LRMDA: variants seen among roughly 807,000 people sequenced by gnomAD.
LRMDA encodes the protein leucine rich melanocyte differentiation associated.
LRMDA carries 18 observed loss-of-function variants against 29.8 expected under a neutral mutation model. That is an observed-to-expected ratio of 0.60 (90% CI 0.42 to 0.90). The LOEUF (loss-of-function observed/expected upper bound fraction) is 0.90, where lower values mean the gene tolerates loss of function less well. Among genes scored for constraint, LRMDA ranks in the 40% least tolerant of loss-of-function variants. The pLI is 0.00. For missense variants in LRMDA, 273 were observed against 273.9 expected (o/e 1.00, Z 0.02); for synonymous variants, 125 against 109.4 (o/e 1.14, Z -0.89).
At chr10:75,862,694 C>T (rs1023740433) in intron 2 of LRMDA, among the ~76,000 whole-genome samples, 9 of 152,292 alleles carry the variant, frequency 5.9e-5, no homozygotes, top group African/African-American at 2.2e-4. Context: ...AACTAAACCT[C>T]CTAGGGTTTG....
chr10:75,527,230 T>A (rs748060498), intron 2 of LRMDA, among the ~76,000 whole-genome samples: 9 of 152,242 alleles, frequency 5.9e-5, no homozygotes, highest in Non-Finnish European at 1.3e-4. Context: ...TGTGACTGAG[T>A]AATATTCCAC....
In LRMDA at chr10:75,434,935, C is replaced by T. The variant is rs563086369; in HGVS notation, c.30+3181C>T. 1.2e-4 allele frequency among the ~76,000 whole-genome samples: 18 copies of T among 152,324 alleles called. No individual in the cohort carries two copies. The East Asian group carries it at 3.3e-3, about 28-fold the overall frequency. On this transcript the variant is annotated intron_variant, in intron 1 of 6. Coordinates refer to ENST00000611255, the MANE Select transcript of LRMDA (RefSeq NM_001305581.2). ...GCAGTTTGGTTATTTTCTGCAGCTTCGGCTTGGAGGGATTGGGTGTGTACA... is the reference window on the plus strand; with the variant it reads ...GCAGTTTGGTTATTTTCTGCAGCTTTGGCTTGGAGGGATTGGGTGTGTACA...
At chr10:76,398,339 A>G (rs895732572) in intron 6 of LRMDA, among the ~76,000 whole-genome samples, 1 of 152,118 alleles carries the variant, frequency 6.6e-6, no homozygotes, top group African/African-American at 2.4e-5. Context: ...CAGATGTGGC[A>G]TAGATTGTCA....
At chr10:75,556,766 T>G (rs1183424291) in intron 2 of LRMDA, among the ~76,000 whole-genome samples, 1 of 151,198 alleles carries the variant, frequency 6.6e-6, no homozygotes, top group Non-Finnish European at 1.5e-5. Flanking sequence ...TTTTTTTTTT[T>G]GTCATTTTAT....
intron 5 of LRMDA, among the ~76,000 whole-genome samples, chr10:76,260,068 C>A (rs1839913705): frequency 6.6e-6 from 1 of 151,650 alleles, no homozygotes; most frequent in Admixed American, 6.6e-5. Context: ...GAATTTAATC[C>A]ATTTACATAC....
chr10:75,690,083 GATATGTTCT>G (rs1435039541), intron 2 of LRMDA, among the ~76,000 whole-genome samples: 1 of 152,130 alleles, frequency 6.6e-6, no homozygotes, highest in Non-Finnish European at 1.5e-5. Context: ...TGTAGCTACT[GATATGTTCT>G]ATTCTGTATT....
At chr10:76,301,451 A>G (rs1270918092) in intron 5 of LRMDA, among the ~76,000 whole-genome samples, 1 of 152,224 alleles carries the variant, frequency 6.6e-6, no homozygotes, top group Non-Finnish European at 1.5e-5. Flanking sequence ...GGCTTGACCT[A>G]TATCTTTAAT....
At chr10:76,113,047 C>G (rs1189044698) in intron 5 of LRMDA, among the ~76,000 whole-genome samples, 1 of 152,144 alleles carries the variant, frequency 6.6e-6, no homozygotes, top group Non-Finnish European at 1.5e-5. Context: ...AGGCCTTTTC[C>G]CTTTGACTTC....
intron 2 of LRMDA, among the ~76,000 whole-genome samples, chr10:75,618,503 C>CAT (rs1236658463): frequency 3.7e-4 from 33 of 89,484 alleles, no homozygotes; most frequent in South Asian, 3.2e-4. Context: ...ATATATCAAC[C>CAT]ATATATATTA....
At chr10:75,693,577 C>T (rs191943018) in intron 2 of LRMDA, among the ~76,000 whole-genome samples, 138 of 152,324 alleles carry the variant, frequency 9.1e-4, no homozygotes, top group African/African-American at 3.2e-3. Flanking sequence ...AATCTATCTA[C>T]GACAAGATTT....
intron 2 of LRMDA, among the ~76,000 whole-genome samples, chr10:75,963,977 G>A (rs905095253): frequency 6.6e-6 from 1 of 152,210 alleles, no homozygotes; most frequent in African/African-American, 2.4e-5. Context: ...TGGTGATGCA[G>A]ACCTGGTAAT....
chr10:76,524,787 C>G (rs904407960), intron 6 of LRMDA, among the ~76,000 whole-genome samples: 5 of 152,192 alleles, frequency 3.3e-5, no homozygotes, highest in Non-Finnish European at 7.3e-5. Context: ...GTGGCAGTGC[C>G]ATCTCGCTGG....
intron 6 of LRMDA, among the ~76,000 whole-genome samples, chr10:76,336,483 T>C (rs10824402): frequency 0.11 from 16,150 of 152,200 alleles, 1,021 homozygotes; most frequent in East Asian, 0.33. Context: ...GTAGCTTCCT[T>C]AGTCTGTGGG....
chr10:75,944,916 A>G (rs898293247), intron 2 of LRMDA, among the ~76,000 whole-genome samples: 19 of 151,950 alleles, frequency 1.3e-4, no homozygotes, highest in African/African-American at 4.6e-4. Flanking sequence ...GTTCATGCTT[A>G]TTACAGCTAC....
intron 3 of LRMDA, among the ~76,000 whole-genome samples, chr10:76,040,166 A>C (rs1322445206): frequency 6.6e-6 from 1 of 152,180 alleles, no homozygotes; most frequent in Non-Finnish European, 1.5e-5. Flanking sequence ...AAGGAGCGGC[A>C]ATCATTGTAC....
At chr10:76,272,799 A>C (rs948764501) in intron 5 of LRMDA, among the ~76,000 whole-genome samples, 1 of 152,170 alleles carries the variant, frequency 6.6e-6, no homozygotes, top group African/African-American at 2.4e-5. Context: ...GTGGAAGGCA[A>C]AGGAGAAGCG....
intron 2 of LRMDA, among the ~76,000 whole-genome samples, chr10:76,022,607 G>A (rs906368320): frequency 6.6e-6 from 1 of 152,192 alleles, no homozygotes; most frequent in African/African-American, 2.4e-5. Flanking sequence ...CTGGCTGCCT[G>A]GCAGAGAGCA....
At chr10:76,226,547 C>T (rs1003462564) in intron 5 of LRMDA, among the ~76,000 whole-genome samples, 3 of 152,174 alleles carry the variant, frequency 2.0e-5, no homozygotes, top group Admixed American at 1.3e-4. Context: ...CACGCCATTG[C>T]ACTCCAGCCT....
chr10:75,769,953 A>C (rs1490197027), intron 2 of LRMDA, among the ~76,000 whole-genome samples: 1 of 152,182 alleles, frequency 6.6e-6, no homozygotes, highest in African/African-American at 2.4e-5. Flanking sequence ...ACTGCACTCC[A>C]GCCTGGATGA....
Sources: allele counts gnomAD v4.1 joint callset (sites outside exome capture counted in the v4.1 genomes callset), GRCh38; gene constraint gnomAD v4.1.1; transcripts MANE v1.5; gene names NCBI Gene and HGNC (gene_info 2026-07-23, HGNC 2026-07-21).